CSMD1: variants seen among roughly 807,000 people sequenced by gnomAD.
CSMD1 encodes the protein CUB and sushi domain-containing protein 1.
Under a neutral mutation model 417.5 loss-of-function variants are expected in CSMD1, and 213 were observed. The observed-to-expected ratio is 0.51, with a 90% CI of 0.46 to 0.57. The LOEUF is 0.57. Ranked by LOEUF, CSMD1 falls within the 20% of genes least tolerant of loss-of-function variation. The probability of loss-of-function intolerance (pLI) is 0.00; values close to 1 mark genes in which losing one functional copy is unlikely to be tolerated. For missense variants in CSMD1, 6,923 were observed against 4,529.7 expected, an observed-to-expected ratio of 1.53 and a Z score of -15.17; for synonymous variants, 2,862 against 1,736.8, an observed-to-expected ratio of 1.65 and a Z score of -16.11.
intron 26 of CSMD1, among the ~76,000 whole-genome samples, chr8:3,260,484 A>G (rs1040904440): frequency 3.9e-5 from 6 of 152,186 alleles, no homozygotes; most frequent in Non-Finnish European, 7.3e-5. Flanking sequence ...TGGCATGGAT[A>G]CAAGAACGTT....
chr8:3,311,726 T>C (rs1362936962), intron 23 of CSMD1, among the ~76,000 whole-genome samples: 1 of 152,168 alleles, frequency 6.6e-6, no homozygotes, highest in Non-Finnish European at 1.5e-5. Flanking sequence ...CCATCATAAG[T>C]TGTGGGCTGT....
chr8:3,155,926 C>T (rs62490189), intron 39 of CSMD1, among the ~76,000 whole-genome samples: 23,158 of 152,088 alleles, frequency 0.15, 3,043 homozygotes, highest in African/African-American at 0.35. Flanking sequence ...CACAATTTCA[C>T]CTGCATCCCA....
intron 7 of CSMD1, among the ~76,000 whole-genome samples, chr8:3,687,661 C>T (rs183058734): frequency 4.6e-5 from 7 of 152,246 alleles, no homozygotes; most frequent in South Asian, 2.1e-4. Context: ...GAGTGGCGCA[C>T]GCTAGGACCG....
chr8:4,074,839 T>A (rs567594326), intron 3 of CSMD1, among the ~76,000 whole-genome samples: 1 of 152,254 alleles, frequency 6.6e-6, no homozygotes, highest in African/African-American at 2.4e-5. Context: ...TTGGTAGAAT[T>A]TTCTGAGTTT....
chr8:3,055,234 C>T lies in CSMD1; in HGVS notation c.7475-2587G>A, dbSNP rs117634326. Among the ~76,000 whole-genome samples, 22 of 152,292 alleles carry T rather than the reference C, an allele frequency of 1.4e-4. 2 individuals carry two copies. The East Asian group carries it at 4.3e-3, about 29-fold the overall frequency. ...AAGCAGAAGATCTTTATAGCCCCTTCTGTTACATCTGGATGCTTATTTGAG... is the reference window on the plus strand; with the variant it reads ...AAGCAGAAGATCTTTATAGCCCCTTTTGTTACATCTGGATGCTTATTTGAG... On this transcript the variant is annotated intron_variant, in intron 49 of 69. Transcript: ENST00000635120.
chr8:3,168,391 C>G (rs1380305537), intron 37 of CSMD1, among the ~76,000 whole-genome samples: 1 of 152,054 alleles, frequency 6.6e-6, no homozygotes, highest in Non-Finnish European at 1.5e-5. Flanking sequence ...TATGGCACAC[C>G]CTAACACAGA....
chr8:3,234,055 C>G (rs1162514829), intron 26 of CSMD1, among the ~76,000 whole-genome samples: 1 of 152,096 alleles, frequency 6.6e-6, no homozygotes, highest in East Asian at 1.9e-4. Context: ...ACATGAGGGT[C>G]TCCTATGATA....
At chr8:3,437,174 A>C (rs1291965821) in intron 12 of CSMD1, among the ~76,000 whole-genome samples, 1 of 152,138 alleles carries the variant, frequency 6.6e-6, no homozygotes, top group Non-Finnish European at 1.5e-5. Flanking sequence ...AATTTATCAT[A>C]ATACTGTTCA....
At chr8:3,459,220 GC>G (rs1359791523) in intron 12 of CSMD1, among the ~76,000 whole-genome samples, 1 of 152,180 alleles carries the variant, frequency 6.6e-6, no homozygotes. Flanking sequence ...CCGTGGTGGG[GC>G]ACACGGGAGC....
intron 1 of CSMD1, among the ~76,000 whole-genome samples, chr8:4,842,251 T>C (rs1800889275): frequency 6.6e-6 from 1 of 152,244 alleles, no homozygotes; most frequent in Admixed American, 6.5e-5. Flanking sequence ...TCAAAGCTTA[T>C]TTTCATATAA....
intron 30 of CSMD1, among the ~76,000 whole-genome samples, chr8:3,206,402 G>A (rs1797266346): frequency 7.9e-6 from 1 of 127,060 alleles, no homozygotes; most frequent in Non-Finnish European, 1.6e-5. Context: ...TGTGTGTGGG[G>A]GGTTATGTCT....
intron 5 of CSMD1, among the ~76,000 whole-genome samples, chr8:3,917,702 G>A (rs940817651): frequency 6.6e-6 from 1 of 151,870 alleles, no homozygotes; most frequent in Non-Finnish European, 1.5e-5. Flanking sequence ...AGATTGTTTT[G>A]GAGATACGTA....
chr8:3,629,455 T>C (rs576741673), intron 7 of CSMD1, among the ~76,000 whole-genome samples: 2 of 152,346 alleles, frequency 1.3e-5, no homozygotes, highest in African/African-American at 4.8e-5. Context: ...ACAATATTAT[T>C]GGGAAAATTT....
intron 3 of CSMD1, among the ~76,000 whole-genome samples, chr8:4,163,026 C>T (rs1018882470): frequency 1.3e-5 from 2 of 152,134 alleles, no homozygotes; most frequent in Admixed American, 6.5e-5. Context: ...CACTTAGTAA[C>T]GTGCACTTCA....
intron 3 of CSMD1, among the ~76,000 whole-genome samples, chr8:4,168,478 A>T (rs539057482): frequency 4.6e-5 from 7 of 152,212 alleles, no homozygotes; most frequent in Admixed American, 2.6e-4. Flanking sequence ...GGGATGTGGT[A>T]AAAGTAGAAA....
At chr8:4,057,897 C>T (rs556009379) in intron 3 of CSMD1, among the ~76,000 whole-genome samples, 1 of 152,060 alleles carries the variant, frequency 6.6e-6, no homozygotes, top group African/African-American at 2.4e-5. Flanking sequence ...ATCTATATCT[C>T]TGTTTTGGTA....
At chr8:3,060,803 T>A (rs963783897) in intron 49 of CSMD1, among the ~76,000 whole-genome samples, 1 of 152,276 alleles carries the variant, frequency 6.6e-6, no homozygotes, top group African/African-American at 2.4e-5. Context: ...TCTTTGTGAA[T>A]GGGATTAGGT....
intron 3 of CSMD1, among the ~76,000 whole-genome samples, chr8:4,410,025 G>A (rs531079355): frequency 3.2e-4 from 48 of 152,156 alleles, no homozygotes; most frequent in Admixed American, 2.6e-3. Context: ...TGTTGGCCAA[G>A]ATGGTATCAA....
At chr8:4,525,250 C>A (rs78246363) in intron 2 of CSMD1, among the ~76,000 whole-genome samples, 3 of 152,038 alleles carry the variant, frequency 2.0e-5, no homozygotes, top group African/African-American at 7.2e-5. Flanking sequence ...ATCATTCACT[C>A]GAACAGAGAG....
Sources: allele counts gnomAD v4.1 joint callset (sites outside exome capture counted in the v4.1 genomes callset), GRCh38; gene constraint gnomAD v4.1.1; transcripts MANE v1.5; gene names NCBI Gene and HGNC (gene_info 2026-07-23, HGNC 2026-07-21).